Variants in FILIP1L observed in about 807,000 individuals in gnomAD.
The protein encoded by FILIP1L is filamin A interacting protein 1 like.
A neutral mutation model predicts 96.6 loss-of-function variants in FILIP1L; 55 were observed. That is an observed-to-expected ratio of 0.57 (90% CI 0.46 to 0.71). The LOEUF (loss-of-function observed/expected upper bound fraction) is 0.71, where lower values mean the gene tolerates loss of function less well. Ranked by LOEUF, FILIP1L falls within the 30% of genes least tolerant of loss-of-function variation. The pLI is 0.00. For missense variants in FILIP1L, 1,304 were observed against 1,321.2 expected (o/e 0.99, Z 0.20); for synonymous variants, 467 against 473.9 (o/e 0.99, Z 0.19).
intron 1 of FILIP1L, among the ~76,000 whole-genome samples, chr3:99,979,334 A>G (rs147302424): frequency 6.6e-6 from 1 of 152,332 alleles, no homozygotes; most frequent in African/African-American, 2.4e-5. Flanking sequence ...AAAAAGATAA[A>G]AAGCTTGTCT....
In FILIP1L at chr3:99,924,413, G is replaced by A. The variant is rs191193772; in HGVS notation, c.427-5C>T. On this transcript the variant is annotated splice_polypyrimidine_tract_variant and splice_region_variant and intron_variant, in intron 3 of 5. Coordinates refer to ENST00000477258, the MANE Select transcript of FILIP1L (RefSeq NM_001387850.1). ...TTTTTCCACAACTTTGTCCAACTAC[G>A]AAAGAAAACATTTATAGCCTGTTAC... 4,250 of 1,612,986 alleles carry A rather than the reference G, an allele frequency of 2.6e-3. 14 individuals are homozygous for A. Among genetic ancestry groups the A allele is most frequent in the Non-Finnish European group, 3.3e-3 (3,911 of 1,179,374 alleles).
At chr3:100,048,023 T>C (rs1647373752) in intron 1 of FILIP1L, among the ~76,000 whole-genome samples, 1 of 152,042 alleles carries the variant, frequency 6.6e-6, no homozygotes, top group Non-Finnish European at 1.5e-5. Flanking sequence ...CTTGTGAAAG[T>C]GAAAGGGTTT....
At chr3:100,106,103 A>G (rs537072809) in intron 1 of FILIP1L, among the ~76,000 whole-genome samples, 13 of 152,258 alleles carry the variant, frequency 8.5e-5, no homozygotes, top group African/African-American at 2.6e-4. Flanking sequence ...AGAAAATATG[A>G]TATTACTGTC....
rs200619882 is a variant in FILIP1L at position 99,849,644 on chromosome 3, C to G, written c.2032G>C (p.Glu678Gln). The change falls in exon 5 of 6, where the codon GAA becomes CAA. Residue 678 changes from glutamate (E) to glutamine (Q), a missense_variant. Coordinates refer to ENST00000477258, the MANE Select transcript of FILIP1L (RefSeq NM_001387850.1). ...TTAGCAAGTTCCATTTTAACATGTTCTAGCTCTTTAGATAAAAATTGAGCT... is the reference window on the plus strand; with the variant it reads ...TTAGCAAGTTCCATTTTAACATGTTGTAGCTCTTTAGATAAAAATTGAGCT... ...DKAQFLSKEL[E>Q]HVKMELAKYK... 102 of 1,613,300 alleles carry G rather than the reference C, an allele frequency of 6.3e-5. No individual in the cohort carries two copies. The highest frequency in any genetic ancestry group is 7.8e-5 in the Non-Finnish European group (92 of 1,179,980).
intron 4 of FILIP1L, among the ~76,000 whole-genome samples, chr3:99,904,181 G>A (rs935470647): frequency 1.3e-5 from 2 of 152,224 alleles, no homozygotes; most frequent in African/African-American, 4.8e-5. Flanking sequence ...TTAATGATAA[G>A]TGTATGGCTT....
At chr3:99,942,605 G>T (rs1707883176) in intron 1 of FILIP1L, among the ~76,000 whole-genome samples, 1 of 152,336 alleles carries the variant, frequency 6.6e-6, no homozygotes, top group East Asian at 1.9e-4. Context: ...ACCGAGGCGG[G>T]CGGATCACCT....
intron 1 of FILIP1L, among the ~76,000 whole-genome samples, chr3:100,106,934 T>G (rs2066406132): frequency 6.6e-6 from 1 of 152,194 alleles, no homozygotes; most frequent in East Asian, 1.9e-4. Context: ...AAATATTTTC[T>G]GGTCAGTAGA....
At chr3:100,110,221 C>A (rs915759865) in intron 1 of FILIP1L, among the ~76,000 whole-genome samples, 1 of 152,098 alleles carries the variant, frequency 6.6e-6, no homozygotes, top group Non-Finnish European at 1.5e-5. Context: ...GCTCCCTGAT[C>A]AAATGCAAAG....
At chr3:100,044,924 A>T (rs2065256005) in intron 1 of FILIP1L, among the ~76,000 whole-genome samples, 1 of 152,168 alleles carries the variant, frequency 6.6e-6, no homozygotes, top group African/African-American at 2.4e-5. Flanking sequence ...AGTGTCTCTG[A>T]TGACTTCCAT....
chr3:99,852,281 G>A (rs1172354103), intron 4 of FILIP1L, among the ~76,000 whole-genome samples: 1 of 152,162 alleles, frequency 6.6e-6, no homozygotes, highest in Non-Finnish European at 1.5e-5. Context: ...TGTCATGGAT[G>A]AAGTTATGAC....
chr3:100,024,026 C>T (rs2064874714), intron 1 of FILIP1L, among the ~76,000 whole-genome samples: 1 of 152,188 alleles, frequency 6.6e-6, no homozygotes, highest in African/African-American at 2.4e-5. Flanking sequence ...AGCTGACAGA[C>T]TGGCAAGGAT....
intron 5 of FILIP1L, among the ~76,000 whole-genome samples, chr3:99,832,895 G>C (rs1322820946): frequency 1.4e-5 from 2 of 147,916 alleles, no homozygotes; most frequent in Non-Finnish European, 3.0e-5. Flanking sequence ...CTTATCCTTG[G>C]ACATGTTTCA....
In FILIP1L at chr3:99,925,928, T is replaced by C. The variant is rs1707279694; in HGVS notation, c.427-1520A>G. 4.1e-6 allele frequency: 4 copies of C among 977,004 alleles called. No homozygotes were observed. In the Admixed American group the frequency reaches 2.5e-4, roughly 60 times the overall value. 60.5% of individuals were successfully genotyped at this position (977,004 alleles called of 1,614,324 possible). ...GGGGTAAGCTGCCACCAGAAAAACA[T>C]GTTGGCAAGAGCTAACTCGGGATCT... On this transcript the variant is annotated intron_variant, in intron 3 of 5. Coordinates refer to ENST00000477258, the MANE Select transcript of FILIP1L (RefSeq NM_001387850.1).
chr3:99,923,197 A>C (rs577139470), intron 4 of FILIP1L, among the ~76,000 whole-genome samples: 1 of 151,600 alleles, frequency 6.6e-6, no homozygotes, highest in Non-Finnish European at 1.5e-5. Flanking sequence ...TTCTCACCAC[A>C]CCAACACCCA....
Position 99,849,150 on chromosome 3 carries a change from T to A in FILIP1L, c.2526A>T (p.Gly842=). The A allele has an allele frequency of 1.2e-6, 2 of 1,614,180 alleles. No homozygotes were observed. Among genetic ancestry groups the A allele is most frequent in the South Asian group, 1.1e-5 (1 of 91,080 alleles). ...GGCTGCATTTGAAGGACAGCACAGA[T>A]CCCTCATCATTAGGGTCCTCGTCTT... The part of the protein sequence containing the change: ...ENQDEDPNDE[G]SVLSFKCSQS... Residue 842 remains glycine (G), a synonymous_variant, in exon 5 of 6, where the codon GGA becomes GGT. Transcript: ENST00000477258.
At chr3:99,916,341 G>C (rs1706949163) in intron 4 of FILIP1L, among the ~76,000 whole-genome samples, 1 of 152,038 alleles carries the variant, frequency 6.6e-6, no homozygotes, top group South Asian at 2.1e-4. Context: ...TCGGCTACAT[G>C]ACTGGCTTTC....
rs374615472 is a variant in FILIP1L at position 99,849,886 on chromosome 3, G to A, written c.1790C>T (p.Ala597Val). The A allele has an allele frequency of 6.2e-7, 1 of 1,611,428 alleles. No homozygotes were observed. The highest frequency in any genetic ancestry group is 8.5e-7 in the Non-Finnish European group (1 of 1,179,546). Residue 597 changes from alanine to valine, a missense_variant, in exon 5 of 6, where the codon GCA becomes GTA. By Grantham distance (64) the Ala-to-Val change is moderately conservative. Coordinates refer to ENST00000477258, the MANE Select transcript of FILIP1L (RefSeq NM_001387850.1). ...MLKNRLQSLEAIEKDFLKNKL... is the reference protein window; with the variant it reads ...MLKNRLQSLEVIEKDFLKNKL... ...GTTTTTTAGGAAATCTTTCTCAATT[G>A]CTTCCAATGATTGAAGCCTATTTTT...
intron 1 of FILIP1L, among the ~76,000 whole-genome samples, chr3:99,995,638 T>C (rs1709655787): frequency 6.6e-6 from 1 of 152,252 alleles, no homozygotes; most frequent in African/African-American, 2.4e-5. Flanking sequence ...AGCAAACTTC[T>C]GCCTGGGCAT....
intron 4 of FILIP1L, among the ~76,000 whole-genome samples, chr3:99,894,419 G>A (rs890871297): frequency 6.6e-6 from 1 of 152,184 alleles, no homozygotes; most frequent in Non-Finnish European, 1.5e-5. Flanking sequence ...GTGTGCTGGT[G>A]TGCTATTTTC....
Sources: gnomAD v4.1 joint callset for allele counts (sites outside exome capture counted in the v4.1 genomes callset) on GRCh38, gnomAD v4.1.1 for gene constraint, MANE v1.5 for transcripts, NCBI Gene and HGNC (gene_info 2026-07-23, HGNC 2026-07-21) for gene names.